PCDHGA1: variants seen among roughly 807,000 people sequenced by gnomAD.
PCDHGA1 encodes protocadherin gamma-A1.
In PCDHGA1, 32 loss-of-function variants were observed where a neutral mutation model predicts 58.0. That is an observed-to-expected ratio of 0.55 (90% CI 0.42 to 0.74). The LOEUF (loss-of-function observed/expected upper bound fraction) is 0.74, where lower values mean the gene tolerates loss of function less well. PCDHGA1 is among the 30% of genes least tolerant of loss of function. The probability of loss-of-function intolerance (pLI) is 0.00; values close to 1 mark genes in which losing one functional copy is unlikely to be tolerated. For synonymous variants in PCDHGA1, 498 were observed against 501.1 expected (o/e 0.99, Z 0.08); for missense variants, 1,205 against 1,182.3 (o/e 1.02, Z -0.28).
chr5:141,412,346 T>C (rs1489657145), intron 1 of PCDHGA1: 1 of 152,238 alleles, frequency 6.6e-6, no homozygotes, highest in African/African-American at 2.4e-5. Flanking sequence ...TATGTTCATT[T>C]TAGTTTGTGA....
intron 1 of PCDHGA1, among the ~76,000 whole-genome samples, chr5:141,429,664 ATTATT>A (rs2097234085): frequency 6.6e-6 from 1 of 152,214 alleles, no homozygotes; most frequent in Non-Finnish European, 1.5e-5. Context: ...TTTAAAATAT[ATTATT>A]TTATTTTATG....
At position 141,490,632 on chromosome 5, in the gene PCDHGA1, A is replaced by C; in HGVS notation, c.2422-4175A>C. Reference sequence around the variant, plus strand: ...AGCAGCTTTACACTGCTTACATCCTAGAAAACCGGCCTCCGGGCTCCCTTC... The same window carrying C: ...AGCAGCTTTACACTGCTTACATCCTCGAAAACCGGCCTCCGGGCTCCCTTC... On this transcript the variant is annotated intron_variant, in intron 1 of 3. Transcript: ENST00000517417. This position sits in a 1 kb window ranked among gnomAD's most constrained non-coding sequence, Gnocchi z 5.4. The C allele has an allele frequency of 1.2e-6, 2 of 1,614,196 alleles. No individual in the cohort carries two copies. Among genetic ancestry groups the C allele is most frequent in the South Asian group, 1.1e-5 (1 of 91,088 alleles).
intron 1 of PCDHGA1, chr5:141,389,474 G>A (rs1476860129): frequency 1.2e-6 from 2 of 1,613,168 alleles, no homozygotes; most frequent in East Asian, 2.2e-5. Flanking sequence ...AACTCACACT[G>A]CAGGCCCGCG....
chr5:141,371,170 C>T lies in PCDHGA1; in HGVS notation c.2421+38065C>T, dbSNP rs1228264781. 7 of 1,613,892 alleles carry T rather than the reference C, an allele frequency of 4.3e-6. No homozygotes were observed. The Admixed American group carries it at 1.0e-4, about 23-fold the overall frequency. On this transcript the variant is annotated intron_variant, in intron 1 of 3. Coordinates refer to ENST00000517417, the MANE Select transcript of PCDHGA1 (RefSeq NM_018912.3). Reference sequence around the variant, plus strand: ...GTTGCAGAGAACCTGCCCGCTGGCTCCTCCGTATTAAAAGTGATGGCCATT... The same window carrying T: ...GTTGCAGAGAACCTGCCCGCTGGCTTCTCCGTATTAAAAGTGATGGCCATT...
At chr5:141,507,704 G>A (rs989196400) in intron 3 of PCDHGA1, among the ~76,000 whole-genome samples, 5 of 152,210 alleles carry the variant, frequency 3.3e-5, no homozygotes, top group African/African-American at 9.6e-5. Context: ...AGTATTTATG[G>A]CCCCAAACCC....
rs368105487 is a variant in PCDHGA1 at position 141,489,478 on chromosome 5, A to G, written c.2422-5329A>G. On this transcript the variant is annotated intron_variant, in intron 1 of 3. Transcript: ENST00000517417. This position sits in a 1 kb window ranked among gnomAD's most constrained non-coding sequence, Gnocchi z 4.5. Reference sequence around the variant, plus strand: ...TGGGCGCTATTTTTCCCTGAGCTTGATGAGTGGTGCCCTGGCAGTGAATCA... The same window carrying G: ...TGGGCGCTATTTTTCCCTGAGCTTGGTGAGTGGTGCCCTGGCAGTGAATCA... The G allele has an allele frequency of 1.1e-5, 18 of 1,613,956 alleles. No individual in the cohort carries two copies. The highest frequency in any genetic ancestry group is 1.5e-5 in the Non-Finnish European group (18 of 1,180,030).
rs1023140435 is a variant in PCDHGA1, at chr5:141,415,749, T to G, written c.2422-79058T>G. The G allele has an allele frequency of 4.7e-4, 569 of 1,213,970 alleles. 1 individual carries two copies. Among genetic ancestry groups the G allele is most frequent in the Admixed American group, 3.5e-3 (90 of 25,886 alleles). The allele number at this position is 1,213,970 out of a possible 1,614,324, so 75.2% of individuals were successfully genotyped here. The stretch of plus-strand genomic sequence containing the variant: ...TTTGATGTTTATTAAGGTTTTTTTT[T>G]TTTTTTTTTTTTTTTTTTTTTTTAC... On this transcript the variant is annotated intron_variant, in intron 1 of 3. Transcript: ENST00000517417.
chr5:141,423,887 T>C, intron 1 of PCDHGA1: 2 of 1,282,240 alleles, frequency 1.6e-6, no homozygotes, highest in Non-Finnish European at 2.0e-6. Context: ...CTTGGCATAT[T>C]TTCTTTTGAT....
chr5:141,404,485 T>C (rs780359921), intron 1 of PCDHGA1: 2 of 1,613,490 alleles, frequency 1.2e-6, no homozygotes, highest in Admixed American at 1.7e-5. Context: ...ACTCAGACAC[T>C]GGTGTGCTGT....
rs376937850 is a variant in PCDHGA1 at position 141,491,097 on chromosome 5, C to T, written c.2422-3710C>T. The T allele has an allele frequency of 1.2e-6, 2 of 1,614,170 alleles. No homozygotes were observed. Among genetic ancestry groups the T allele is most frequent in the Non-Finnish European group, 1.7e-6 (2 of 1,180,018 alleles). On this transcript the variant is annotated intron_variant, in intron 1 of 3. Coordinates refer to ENST00000517417, the MANE Select transcript of PCDHGA1 (RefSeq NM_018912.3). The surrounding 1 kb of genome is among the most constrained non-coding windows in gnomAD (Gnocchi z 6.9). ...CACAGTCCACAGCCCCAGGACTGTT[C>T]CTCGTGTCTACACACACTGGTGAGG...
At position 141,372,722 on chromosome 5, in the gene PCDHGA1, A is replaced by T. The variant is rs551482869; in HGVS notation, c.2421+39617A>T. 13 of 1,613,812 alleles carry T rather than the reference A, an allele frequency of 8.1e-6. No individual in the cohort carries two copies. The Admixed American group carries it at 2.2e-4, about 27-fold the overall frequency. The stretch of plus-strand genomic sequence containing the variant: ...TCAATATAAAGGCTGAAAATGCTGC[A>T]CCACAAGATCTTCTATGTGATGAAG... On this transcript the variant is annotated intron_variant, in intron 1 of 3. Coordinates refer to ENST00000517417, the MANE Select transcript of PCDHGA1 (RefSeq NM_018912.3).
chr5:141,399,133 G>T (rs1054849184), intron 1 of PCDHGA1: 2 of 1,613,832 alleles, frequency 1.2e-6, no homozygotes, highest in African/African-American at 1.3e-5. Flanking sequence ...TATTCAAGAT[G>T]AAAATGACAA....
In PCDHGA1 at chr5:141,331,982, C is replaced by G; in HGVS notation, c.1298C>G (p.Ser433Cys). 6.2e-7 allele frequency: 1 copy of G among 1,614,144 alleles called. No individual in the cohort carries two copies. The highest frequency in any genetic ancestry group is 8.5e-7 in the Non-Finnish European group (1 of 1,179,994). Residue 433 changes from serine to cysteine, a missense_variant, in exon 1 of 4, where the codon TCT (serine) becomes TGT (cysteine). Ser to Cys is a moderately radical substitution (Grantham distance 112). Coordinates refer to ENST00000517417, the MANE Select transcript of PCDHGA1 (RefSeq NM_018912.3). ...ATAGACCAAGGAACTCCAGCTCTAT[C>G]TACTGAAACTCACATTTCACTACTA... ...TAIDQGTPAL[S>C]TETHISLLVT...
At chr5:141,433,360 T>C (rs1313053553) in intron 1 of PCDHGA1, 46 of 298,056 alleles carry the variant, frequency 1.5e-4, no homozygotes, top group Non-Finnish European at 2.5e-4. Context: ...ACTGTCTGCC[T>C]ATCTATCTAT....
intron 1 of PCDHGA1, chr5:141,409,609 C>T: frequency 1.2e-6 from 2 of 1,613,938 alleles, no homozygotes; most frequent in Non-Finnish European, 1.7e-6. Flanking sequence ...CGCCAGGAGC[C>T]TCCATTGCGC....
intron 1 of PCDHGA1, among the ~76,000 whole-genome samples, chr5:141,465,205 G>A (rs1460694369): frequency 6.6e-6 from 1 of 151,892 alleles, no homozygotes; most frequent in Admixed American, 6.6e-5. Flanking sequence ...AAAAATATAA[G>A]CTTTATTTTT....
chr5:141,331,827 C>T lies in PCDHGA1; in HGVS notation c.1143C>T (p.Tyr381=), dbSNP rs776279597. 6.2e-7 allele frequency: 1 copy of T among 1,614,150 alleles called. No homozygotes were observed. Among genetic ancestry groups the T allele is most frequent in the East Asian group, 2.2e-5 (1 of 44,886 alleles). Residue 381 remains tyrosine, a synonymous_variant, in exon 1 of 4, where the codon TAC becomes TAT. Coordinates refer to ENST00000517417, the MANE Select transcript of PCDHGA1 (RefSeq NM_018912.3). ...VHDQDSGDNG[Y]TTCFIPGNLP... ...ACCAGGACTCAGGAGACAATGGCTA[C>T]ACCACATGTTTCATTCCTGGAAATT...
At position 141,334,538 on chromosome 5, in the gene PCDHGA1, C is replaced by A. The variant is rs1005067164; in HGVS notation, c.2421+1433C>A. The A allele has an allele frequency of 6.6e-6, 1 of 152,422 alleles. No individual in the cohort carries two copies. The highest frequency in any genetic ancestry group is 2.1e-4 in the South Asian group (1 of 4,876). 9.4% of individuals were successfully genotyped at this position (152,422 alleles called of 1,614,324 possible). A position where few individuals can be genotyped will look rare whatever the true frequency, so the allele number is the denominator to read the frequency against. ...GGAGGATCCCTTGAGCCCAGGAAGT[C>A]AAGGCTTCAGCGAACCGTGATCGCG... is the stretch of plus-strand genomic sequence containing the variant. On this transcript the variant is annotated intron_variant, in intron 1 of 3. Transcript: ENST00000517417. The surrounding 1 kb of genome is among the most constrained non-coding windows in gnomAD (Gnocchi z 4.6).
At chr5:141,399,613 G>C (rs752648693) in intron 1 of PCDHGA1, 1 of 1,613,928 alleles carries the variant, frequency 6.2e-7, no homozygotes, top group South Asian at 1.1e-5. Context: ...AGAGCCTCTG[G>C]CACTGGCCTC....
Sources: allele counts gnomAD v4.1 joint callset (sites outside exome capture counted in the v4.1 genomes callset), GRCh38; gene constraint gnomAD v4.1.1; non-coding constraint Gnocchi (gnomAD v3.1); transcripts MANE v1.5; gene names NCBI Gene and HGNC (gene_info 2026-07-23, HGNC 2026-07-21).